Variants in SENP2 observed in about 807,000 individuals in gnomAD.
SENP2 encodes sentrin-specific protease 2.
A neutral mutation model predicts 86.3 loss-of-function variants in SENP2; 16 were observed. The ratio of observed to expected loss-of-function variants is 0.19; its 90% confidence interval spans 0.13 to 0.28. The LOEUF is 0.28. Among genes scored for constraint, SENP2 ranks in the 10% least tolerant of loss-of-function variants. The probability of loss-of-function intolerance (pLI) is 1.00; values close to 1 mark genes in which losing one functional copy is unlikely to be tolerated. For synonymous variants in SENP2, 222 were observed against 238.7 expected, an observed-to-expected ratio of 0.93 and a Z score of 0.64; for missense variants, 552 against 703.0, an observed-to-expected ratio of 0.79 and a Z score of 2.43.
In SENP2 at chr3:185,611,694, G is replaced by T; in HGVS notation, c.766G>T (p.Gly256Trp). The T allele has an allele frequency of 6.2e-7, 1 of 1,613,738 alleles. No homozygotes were observed. ...QMDTLKTKGW[G>W]EEQNHGVKTT... The stretch of plus-strand genomic sequence containing the variant: ...GGACACATTAAAGACCAAAGGCTGG[G>T]GGGAAGAGCAAAATCACGGAGTCAA... Residue 256 changes from glycine to tryptophan, a missense_variant, in exon 8 of 17, where the codon GGG becomes TGG. Transcript: ENST00000296257.
intron 15 of SENP2, among the ~76,000 whole-genome samples, chr3:185,625,272 T>G (rs1020909270): frequency 7.2e-5 from 11 of 152,038 alleles, no homozygotes; most frequent in African/African-American, 2.2e-4. Context: ...CCACCACGCC[T>G]GGCTAATTTT....
chr3:185,621,775 C>A, intron 13 of SENP2, 51 bp from the exon 14 acceptor site: 2 of 1,082,274 alleles, frequency 1.8e-6, no homozygotes, highest in Non-Finnish European at 1.4e-6. Context: ...GTAAAATTCT[C>A]ACTCCTCTTA....
chr3:185,602,740 A>T (rs1722384380), intron 5 of SENP2, among the ~76,000 whole-genome samples: 1 of 147,764 alleles, frequency 6.8e-6, no homozygotes, highest in East Asian at 2.1e-4. Context: ...AGGCTGAGGC[A>T]GTAGAATTGC....
intron 6 of SENP2, 161 bp downstream of exon 6, chr3:185,606,659 C>A: frequency 1.6e-6 from 1 of 619,110 alleles, no homozygotes; most frequent in Non-Finnish European, 2.7e-6. Flanking sequence ...CCAGATGCAC[C>A]AAAAATCTGC....
chr3:185,627,632 C>T (rs752815186), intron 16 of SENP2, among the ~76,000 whole-genome samples: 4 of 151,962 alleles, frequency 2.6e-5, no homozygotes, highest in Non-Finnish European at 4.4e-5. Flanking sequence ...AGGCTGGTCT[C>T]GAACTCCTGA....
Position 185,617,565 on chromosome 3 carries a change from G to C in SENP2, c.1196G>C (p.Arg399Pro). 6.2e-7 allele frequency: 1 copy of C among 1,613,616 alleles called. No individual in the cohort carries two copies. The highest frequency in any genetic ancestry group is 8.5e-7 in the Non-Finnish European group (1 of 1,179,616). ...LSSAFKLRIT[R>P]GDIQTLKNYH... ...AGTGCTTTCAAATTGCGAATTACTC[G>C]AGGAGATATTCAGACATTAAAGAAC... Residue 399 changes from arginine to proline, a missense_variant, in exon 12 of 17, where the codon CGA becomes CCA. Around this residue, in one of 2 missense-constraint regions of SENP2, gnomAD observed 169 missense variants for 275.7 expected, o/e 0.61. Coordinates refer to ENST00000296257, the MANE Select transcript of SENP2 (RefSeq NM_021627.3).
chr3:185,589,070 A>C (rs1721894138), intron 1 of SENP2, among the ~76,000 whole-genome samples: 1 of 151,654 alleles, frequency 6.6e-6, no homozygotes, highest in Non-Finnish European at 1.5e-5. Context: ...ATCTCATTCT[A>C]TTCATTTTTT....
Position 185,609,324 on chromosome 3 carries a change from C to T in SENP2, c.696C>T (p.Val232=), listed in dbSNP as rs1722611061. Residue 232 remains valine (V), a synonymous_variant, in exon 7 of 17, where the codon GTC becomes GTT. Transcript: ENST00000296257. ...AAGAAAGTGGTCATGGAAACTCTGT[C>T]TGTCCTGTAACTTCAAATTATCACA... ...RLKESGHGNS[V]CPVTSNYHSS... The T allele has an allele frequency of 6.2e-7, 1 of 1,613,114 alleles. No homozygotes were observed. Among genetic ancestry groups the T allele is most frequent in the East Asian group, 2.2e-5 (1 of 44,836 alleles).
At chr3:185,613,575 A>C in intron 10 of SENP2, 167 bp downstream of exon 10, 2 of 448,496 alleles carry the variant, frequency 4.5e-6, no homozygotes, top group Non-Finnish European at 7.9e-6. Context: ...TCATGCCTGT[A>C]ATCCCAGAAC....
intron 12 of SENP2, 123 bp from the exon 13 acceptor site, chr3:185,619,176 T>C: frequency 4.3e-6 from 3 of 702,536 alleles, no homozygotes; most frequent in Middle Eastern, 3.8e-4. Flanking sequence ...TCTTCTACTA[T>C]AGACAGTCTT....
intron 5 of SENP2, among the ~76,000 whole-genome samples, 186 bp downstream of exon 5, chr3:185,601,041 C>CTTTTTTTTTTTTTTTTTTTTTG (rs11315344): frequency 1.3e-5 from 1 of 75,530 alleles, no homozygotes; most frequent in Non-Finnish European, 2.6e-5. Flanking sequence ...CTTTTCTTGT[C>CTTTTTTTTTTTTTTTTTTTTTG]TTTTTTTTTT....
In SENP2 at chr3:185,614,225, G is replaced by A. The variant is rs189242427; in HGVS notation, c.934-339G>A. Among the ~76,000 whole-genome samples the A allele has an allele frequency of 8.5e-3, 1,289 of 152,196 alleles. 68 individuals are homozygous for A. The highest frequency in any genetic ancestry group is 0.08 in the Admixed American group (1,229 of 15,280). Reference sequence around the variant, plus strand: ...ATTTATTCTGAGTGATGGGATTGTGGGTCATATTTTTTGCTGTTTAAAACT... The same window carrying A: ...ATTTATTCTGAGTGATGGGATTGTGAGTCATATTTTTTGCTGTTTAAAACT... On this transcript the variant is annotated intron_variant, in intron 10 of 16. Transcript: ENST00000296257.
intron 10 of SENP2, among the ~76,000 whole-genome samples, chr3:185,614,231 A>G (rs557298502): frequency 2.6e-5 from 4 of 152,290 alleles, no homozygotes; most frequent in South Asian, 4.1e-4. Flanking sequence ...TGTGGGTCAT[A>G]TTTTTTGCTG....
intron 10 of SENP2, among the ~76,000 whole-genome samples, chr3:185,614,203 T>G (rs1348705021): frequency 6.6e-6 from 1 of 152,244 alleles, no homozygotes; most frequent in African/African-American, 2.4e-5. Context: ...AGTAGGGATT[T>G]ATTCTGAGTG....
In SENP2 at chr3:185,586,579, C is replaced by G. The variant is rs556284950; in HGVS notation, c.101+65C>G. The G allele has an allele frequency of 1.5e-5, 22 of 1,468,308 alleles. No individual in the cohort carries two copies. In the African/African-American group the frequency reaches 2.9e-4, roughly 19 times the overall value. 91.0% of individuals were successfully genotyped at this position (1,468,308 alleles called of 1,614,324 possible). A position where few individuals can be genotyped will look rare whatever the true frequency, so the allele number is the denominator to read the frequency against. On this transcript the variant is annotated intron_variant, in intron 1 of 16. Coordinates refer to ENST00000296257, the MANE Select transcript of SENP2 (RefSeq NM_021627.3). This position sits in a 1 kb window ranked among gnomAD's most constrained non-coding sequence, Gnocchi z 4.3. ...CCCTCCCCCACAGCGGGCTCCTCGG[C>G]CGTGATAGCTTTGATTCAGCCAGGC...
Position 185,606,420 on chromosome 3 carries a change from T to C in SENP2, c.540T>C (p.Pro180=). The change falls in exon 6 of 17, where the codon CCT becomes CCC. Residue 180 remains proline, a synonymous_variant. Transcript: ENST00000296257. The part of the protein sequence containing the change: ...GNPESSLMWK[P]QEQAVTEMIS... ...CAGAGAGTTCTTTAATGTGGAAACC[T>C]CAGGAACAGGCTGTAACAGAGATGA... 3.1e-6 allele frequency: 5 copies of C among 1,613,946 alleles called. No individual in the cohort carries two copies. The highest frequency in any genetic ancestry group is 4.2e-6 in the Non-Finnish European group (5 of 1,179,986).
chr3:185,616,140 C>T (rs1711593365), intron 11 of SENP2, among the ~76,000 whole-genome samples: 4 of 144,134 alleles, frequency 2.8e-5, no homozygotes, highest in South Asian at 2.3e-4. Flanking sequence ...GGATTACAGG[C>T]GTGAGCCACC....
At chr3:185,629,599 G>A (rs946996874) in intron 16 of SENP2, among the ~76,000 whole-genome samples, 183 bp from the exon 17 acceptor site, 1 of 151,054 alleles carries the variant, frequency 6.6e-6, no homozygotes, top group African/African-American at 2.4e-5. Flanking sequence ...AAGTGCTTAT[G>A]GTACATATCA....
intron 12 of SENP2, among the ~76,000 whole-genome samples, chr3:185,618,597 G>A (rs1444398561): frequency 6.6e-6 from 1 of 152,150 alleles, no homozygotes; most frequent in African/African-American, 2.4e-5. Context: ...ACCACCACTC[G>A]GCCGGGCGCG....
Sources: allele counts gnomAD v4.1 joint callset (sites outside exome capture counted in the v4.1 genomes callset), GRCh38; gene constraint gnomAD v4.1.1; regional missense constraint gnomAD v4.1.1; non-coding constraint Gnocchi (gnomAD v3.1); transcripts MANE v1.5; gene names NCBI Gene and HGNC (gene_info 2026-07-23, HGNC 2026-07-21).